Variants in EXO1 observed in about 807,000 individuals in gnomAD.
The protein encoded by EXO1 is exonuclease 1.
EXO1 carries 69 observed loss-of-function variants against 84.5 expected under a neutral mutation model. The observed-to-expected ratio is 0.82, with a 90% CI of 0.67 to 1.00. The LOEUF is 1.00. Among genes scored for constraint, EXO1 ranks in the 50% least tolerant of loss-of-function variants. EXO1 has a pLI of 0.00. For missense variants in EXO1, 1,045 were observed against 1,000.7 expected (o/e 1.04, Z -0.60); for synonymous variants, 373 against 366.1 (o/e 1.02, Z -0.21).
In EXO1 at chr1:241,878,800, C is replaced by G; in HGVS notation, c.1566C>G (p.Ile522Met). 6.2e-7 allele frequency: 1 copy of G among 1,613,914 alleles called. No homozygotes were observed. Among genetic ancestry groups the G allele is most frequent in the Non-Finnish European group, 8.5e-7 (1 of 1,179,942 alleles). Residue 522 changes from isoleucine to methionine, a missense_variant, in exon 13 of 16, where the codon ATC becomes ATG. Physicochemically the swap from Ile to Met is conservative, Grantham distance 10. Coordinates refer to ENST00000366548, the MANE Select transcript of EXO1 (RefSeq NM_130398.4). Reference protein sequence around the residue: ...STDCVSNKVSIQPLDETAVTD... With the variant: ...STDCVSNKVSMQPLDETAVTD... ...ACTGTGTATCAAACAAAGTGAGCAT[C>G]CAGCCTCTGGATGAAACTGCTGTCA...
intron 12 of EXO1, among the ~76,000 whole-genome samples, chr1:241,877,084 A>T (rs1214789730): frequency 6.6e-6 from 1 of 152,216 alleles, no homozygotes; most frequent in East Asian, 1.9e-4. Context: ...GATACTAAAC[A>T]TGTAAAACGT....
At chr1:241,852,146 G>C (rs766027156) in intron 4 of EXO1, 146 bp from the exon 5 acceptor site, 14 of 677,846 alleles carry the variant, frequency 2.1e-5, no homozygotes, top group Admixed American at 7.6e-5. Context: ...TAGTAAGTTA[G>C]AGTTCCAATT....
intron 6 of EXO1, among the ~76,000 whole-genome samples, chr1:241,856,972 C>T (rs959460757): frequency 2.0e-5 from 3 of 152,116 alleles, no homozygotes; most frequent in East Asian, 1.9e-4. Context: ...CCCAGGAGGT[C>T]GAAGCTGCAG....
At chr1:241,876,790 A>G (rs1483238158) in intron 12 of EXO1, among the ~76,000 whole-genome samples, 1 of 152,162 alleles carries the variant, frequency 6.6e-6, no homozygotes, top group African/African-American at 2.4e-5. Flanking sequence ...GGTGATAGGA[A>G]GATTCCTAGT....
intron 15 of EXO1, among the ~76,000 whole-genome samples, chr1:241,885,878 A>G (rs1351206239): frequency 1.5e-5 from 2 of 133,902 alleles, no homozygotes; most frequent in Non-Finnish European, 3.1e-5. Context: ...TTTTTGAGAG[A>G]GTTTTGCTCT....
intron 12 of EXO1, among the ~76,000 whole-genome samples, chr1:241,874,541 T>A (rs189941706): frequency 1.3e-5 from 2 of 152,228 alleles, no homozygotes; most frequent in Non-Finnish European, 2.9e-5. Context: ...CAAGGACCAG[T>A]TGGGCTGTTG....
chr1:241,849,920 C>T (rs1314486003), intron 3 of EXO1, among the ~76,000 whole-genome samples: 1 of 152,190 alleles, frequency 6.6e-6, no homozygotes, highest in African/African-American at 2.4e-5. Flanking sequence ...GTAAATTCTA[C>T]CCTATGGAAA....
chr1:241,872,226 C>T lies in EXO1; in HGVS notation c.1462C>T (p.Gln488Ter), dbSNP rs1317099506. ...GAGAAATAAATTTGCAACATTTTTACAAAGGAAAAATGAAGAAAGTGGTGC... is the reference window on the plus strand; with the variant it reads ...GAGAAATAAATTTGCAACATTTTTATAAAGGAAAAATGAAGAAAGTGGTGC... ...RTRNKFATFL[Q>*]RKNEESGAVV... Residue 488 changes from glutamine to a stop codon, truncating the protein, a stop_gained, in exon 12 of 16, where the codon CAA (glutamine) becomes TAA (stop). Transcript: ENST00000366548. LOFTEE classifies it high-confidence loss of function. 2 of 1,613,948 alleles carry T rather than the reference C, an allele frequency of 1.2e-6. No homozygotes were observed. The highest frequency in any genetic ancestry group is 2.2e-5 in the South Asian group (2 of 91,074).
intron 11 of EXO1, among the ~76,000 whole-genome samples, chr1:241,867,397 A>G (rs1661810879): frequency 6.6e-6 from 1 of 152,170 alleles, no homozygotes; most frequent in Admixed American, 6.5e-5. Context: ...ATTCACTACT[A>G]TAAGAACAGT....
At chr1:241,849,572 GTGCTTAGAATAA>G (rs1200691752) in intron 3 of EXO1, among the ~76,000 whole-genome samples, 5 of 152,196 alleles carry the variant, frequency 3.3e-5, no homozygotes, top group Non-Finnish European at 5.9e-5. Flanking sequence ...CAGAATGTTC[GTGCTTAGAATAA>G]TGCGTTCTAA....
chr1:241,880,870 T>A (rs1363395131), intron 13 of EXO1, among the ~76,000 whole-genome samples: 2 of 152,166 alleles, frequency 1.3e-5, no homozygotes, highest in East Asian at 3.9e-4. Context: ...ATATTTGAGG[T>A]TGAAGTCTTC....
At chr1:241,871,538 C>G (rs571949434) in intron 11 of EXO1, among the ~76,000 whole-genome samples, 317 of 152,288 alleles carry the variant, frequency 2.1e-3, no homozygotes, top group African/African-American at 7.4e-3. Flanking sequence ...GAAGTAATAA[C>G]GATCAGAGCT....
intron 12 of EXO1, among the ~76,000 whole-genome samples, chr1:241,875,803 G>T (rs998890544): frequency 7.9e-5 from 12 of 152,170 alleles, no homozygotes; most frequent in Non-Finnish European, 1.8e-4. Context: ...GCTTGAACCC[G>T]GGAGGCGGAG....
intron 11 of EXO1, among the ~76,000 whole-genome samples, chr1:241,869,352 G>C (rs1475651721): frequency 6.6e-6 from 1 of 152,210 alleles, no homozygotes; most frequent in Non-Finnish European, 1.5e-5. Flanking sequence ...CAGAAGTGCT[G>C]AGAGGAATAT....
intron 10 of EXO1, among the ~76,000 whole-genome samples, chr1:241,866,325 G>C (rs1661723154): frequency 6.6e-6 from 1 of 152,028 alleles, no homozygotes; most frequent in Admixed American, 6.6e-5. Flanking sequence ...TGTTGGCAAG[G>C]CTGGTCTCGA....
At position 241,866,902 on chromosome 1, in the gene EXO1, C is replaced by T. The variant is rs748705205; in HGVS notation, c.1114C>T (p.His372Tyr). 6.2e-7 allele frequency: 1 copy of T among 1,614,074 alleles called. No individual in the cohort carries two copies. The highest frequency in any genetic ancestry group is 8.5e-7 in the Non-Finnish European group (1 of 1,179,976). The change falls in exon 11 of 16, where the codon CAT (histidine) becomes TAT (tyrosine). Residue 372 changes from histidine to tyrosine, a missense_variant. By Grantham distance (83) the His-to-Tyr change is moderately conservative (BLOSUM62 2). Transcript: ENST00000366548. Reference protein sequence around the residue: ...QKSANVSSIWHRNYSPRPESG... With the variant: ...QKSANVSSIWYRNYSPRPESG... ...GTCAGCTAATGTTAGCAGCATTTGG[C>T]ATAGGAATTACTCTCCCAGACCAGA...
intron 13 of EXO1, among the ~76,000 whole-genome samples, chr1:241,880,274 A>G (rs975294380): frequency 6.6e-6 from 1 of 152,136 alleles, no homozygotes; most frequent in African/African-American, 2.4e-5. Context: ...CTTGGGTACC[A>G]CGGCAGTGGC....
intron 13 of EXO1, 59 bp from the exon 14 acceptor site, chr1:241,881,854 TGTC>T: frequency 1.2e-6 from 1 of 800,404 alleles, no homozygotes; most frequent in Admixed American, 2.0e-5. Flanking sequence ...ATTAGTTTGT[TGTC>T]ATAAAAATTC....
chr1:241,883,681 T>C (rs1662892879), intron 14 of EXO1, among the ~76,000 whole-genome samples: 1 of 152,216 alleles, frequency 6.6e-6, no homozygotes, highest in African/African-American at 2.4e-5. Flanking sequence ...TCATATCTAC[T>C]AACTTGAAAA....
Sources: gnomAD v4.1 joint callset for allele counts (sites outside exome capture counted in the v4.1 genomes callset) on GRCh38, gnomAD v4.1.1 for gene constraint, MANE v1.5 for transcripts, NCBI Gene and HGNC (gene_info 2026-07-23, HGNC 2026-07-21) for gene names.